Variants in C2orf80 observed in about 807,000 individuals in gnomAD.
The protein encoded by C2orf80 is chromosome 2 open reading frame 80.
A neutral mutation model predicts 30.2 loss-of-function variants in C2orf80; 28 were observed. That is an observed-to-expected ratio of 0.93 (90% CI 0.69 to 1.27). The LOEUF (loss-of-function observed/expected upper bound fraction) is 1.27, where lower values mean the gene tolerates loss of function less well. Among genes scored for constraint, C2orf80 ranks in the 50% most tolerant of loss-of-function variants. The pLI is 0.00. For missense variants in C2orf80, 220 were observed against 231.0 expected, an observed-to-expected ratio of 0.95 and a Z score of 0.31; for synonymous variants, 80 against 76.4, an observed-to-expected ratio of 1.05 and a Z score of -0.24.
At chr2:208,167,740 C>A (rs1695947498) in intron 8 of C2orf80, among the ~76,000 whole-genome samples, 1 of 151,842 alleles carries the variant, frequency 6.6e-6, no homozygotes, top group South Asian at 2.1e-4. Flanking sequence ...CCACACCCAG[C>A]TAATTTTTGT....
Position 208,185,001 on chromosome 2 carries a change from T to G in C2orf80, c.73A>C (p.Asn25His), listed in dbSNP as rs1696675003. 1 of 1,613,860 alleles carries G rather than the reference T, an allele frequency of 6.2e-7. No individual in the cohort carries two copies. The highest frequency in any genetic ancestry group is 1.7e-5 in the Admixed American group (1 of 59,994). Residue 25 changes from asparagine to histidine, a missense_variant, in exon 3 of 9, where the codon AAT becomes CAT. Asn to His is a moderately conservative substitution (Grantham distance 68, BLOSUM62 1). Transcript: ENST00000341287. ...CGTCTTCCTTTTGGGTCAAATTCAT[T>G]TTCCCGAAGTCTGATGCCAATATAA... ...GDYIGIRLRE[N>H]EFDPKGRRQL... is the part of the protein sequence containing the mutation.
intron 8 of C2orf80, among the ~76,000 whole-genome samples, chr2:208,167,738 A>G (rs1356028873): frequency 1.3e-5 from 2 of 151,748 alleles, no homozygotes; most frequent in Non-Finnish European, 2.9e-5. Context: ...CACCACACCC[A>G]GCTAATTTTT....
At chr2:208,182,257 G>A (rs1021772973) in intron 4 of C2orf80, among the ~76,000 whole-genome samples, 27 of 152,096 alleles carry the variant, frequency 1.8e-4, no homozygotes, top group Middle Eastern at 3.2e-3. Context: ...ATTATTCTGC[G>A]CTTCAAACAG....
chr2:208,173,015 AG>A (rs1246306138), intron 6 of C2orf80, among the ~76,000 whole-genome samples: 23 of 148,482 alleles, frequency 1.5e-4, no homozygotes, highest in Admixed American at 4.8e-4. Flanking sequence ...GCTACTCGGG[AG>A]GCTGAGGCAG....
chr2:208,174,718 C>T (rs10191365), intron 6 of C2orf80, among the ~76,000 whole-genome samples: 1,711 of 152,320 alleles, frequency 0.011, 31 homozygotes, highest in African/African-American at 0.039. Flanking sequence ...AGTCTGTTTG[C>T]CTGTGACATG....
At position 208,172,145 on chromosome 2, in the gene C2orf80, C is replaced by T. The variant is rs1696122396; in HGVS notation, c.367-70G>A. 4.2e-6 allele frequency: 5 copies of T among 1,204,166 alleles called. No individual in the cohort carries two copies. In the East Asian group the frequency reaches 7.0e-5, roughly 17 times the overall value. 74.6% of individuals were successfully genotyped at this position (1,204,166 alleles called of 1,614,324 possible). Reference sequence around the variant, plus strand: ...CGGCATGAACACCTGCTAGTCACAGCATTTGGCCTATTTAATCAACTCAGA... The same window carrying T: ...CGGCATGAACACCTGCTAGTCACAGTATTTGGCCTATTTAATCAACTCAGA... On this transcript the variant is annotated intron_variant, in intron 6 of 8. Transcript: ENST00000341287.
At chr2:208,169,125 T>C (rs1696006362) in intron 8 of C2orf80, among the ~76,000 whole-genome samples, 2 of 152,142 alleles carry the variant, frequency 1.3e-5, no homozygotes, top group South Asian at 4.1e-4. Context: ...CAAAATTATA[T>C]TTAAAAATAA....
chr2:208,187,190 G>A lies in C2orf80; in HGVS notation c.-75-129C>T, dbSNP rs1296940759. 9.3e-6 allele frequency: 5 copies of A among 536,928 alleles called. No homozygotes were observed. In the East Asian group the frequency reaches 1.5e-4, roughly 16 times the overall value. 33.3% of individuals were successfully genotyped at this position (536,928 alleles called of 1,614,324 possible). A position where few individuals can be genotyped will look rare whatever the true frequency, so the allele number is the denominator to read the frequency against. On this transcript the variant is annotated intron_variant, in intron 1 of 8. Coordinates refer to ENST00000341287, the MANE Select transcript of C2orf80 (RefSeq NM_001099334.3). ...CAGGCCTCTTACTCGGCAGGTTCAG[G>A]GTCAAAAAGCCACCTGGAGGCTCAT...
chr2:208,165,899 G>A (rs1695873064), intron 8 of C2orf80, 84 bp from the exon 9 acceptor site: 4 of 874,466 alleles, frequency 4.6e-6, no homozygotes, highest in East Asian at 2.5e-5. Flanking sequence ...AGGAAGTTAA[G>A]GTCAAATATC....
At chr2:208,187,099 G>T in intron 1 of C2orf80, 38 bp from the exon 2 acceptor site, 1 of 952,410 alleles carries the variant, frequency 1.0e-6, no homozygotes, top group Non-Finnish European at 1.7e-6. Flanking sequence ...AGTTAGGGAT[G>T]CTATCACTCC....
At position 208,171,779 on chromosome 2, in the gene C2orf80, C is replaced by T. The variant is rs75092357; in HGVS notation, c.454+209G>A. ...GATCCTTTGCTTTTGGAGTGCTTTG[C>T]TCCCATCACCAAAGCATCTGAGAAA... On this transcript the variant is annotated intron_variant, in intron 7 of 8. Transcript: ENST00000341287. Among the ~76,000 whole-genome samples, 716 of 152,238 alleles carry T rather than the reference C, an allele frequency of 4.7e-3. 3 individuals are homozygous for T. Among genetic ancestry groups the T allele is most frequent in the African/African-American group, 0.016 (679 of 41,540 alleles).
Position 208,189,997 on chromosome 2 carries a change from G to A in C2orf80, c.-120C>T. The A allele has an allele frequency of 1.4e-6, 1 of 702,910 alleles. No homozygotes were observed. The highest frequency in any genetic ancestry group is 2.0e-5 in the Admixed American group (1 of 49,996). 43.5% of individuals were successfully genotyped at this position (702,910 alleles called of 1,614,324 possible). A position where few individuals can be genotyped will look rare whatever the true frequency, so the allele number is the denominator to read the frequency against. On this transcript the variant is annotated 5_prime_UTR_variant, in exon 1 of 9. Coordinates refer to ENST00000341287, the MANE Select transcript of C2orf80 (RefSeq NM_001099334.3). ...GTGCTTTTGTTCTTTCTCTGCTTCT[G>A]GAGGCATGCTGAAGCATCCGCGCAT...
chr2:208,187,664 C>T (rs1696758097), intron 1 of C2orf80, among the ~76,000 whole-genome samples: 2 of 152,120 alleles, frequency 1.3e-5, no homozygotes, highest in Middle Eastern at 3.4e-3. Flanking sequence ...ATGGGGTACA[C>T]AGGGAGAGGT....
chr2:208,178,585 A>G (rs1387480445), intron 6 of C2orf80, among the ~76,000 whole-genome samples: 2 of 152,124 alleles, frequency 1.3e-5, no homozygotes, highest in Non-Finnish European at 2.9e-5. Flanking sequence ...ATCTCAAACA[A>G]GGTAAGCTCC....
intron 2 of C2orf80, among the ~76,000 whole-genome samples, chr2:208,185,808 G>A (rs546462956): frequency 2.6e-5 from 4 of 152,184 alleles, no homozygotes; most frequent in Non-Finnish European, 5.9e-5. Flanking sequence ...AATTTCTGCC[G>A]AAATTTCAGG....
In C2orf80 at chr2:208,172,053, C is replaced by T. The variant is rs756574519; in HGVS notation, c.389G>A (p.Cys130Tyr). Residue 130 changes from cysteine (C) to tyrosine (Y), a missense_variant, in exon 7 of 9, where the codon TGC (cysteine) becomes TAC (tyrosine). Coordinates refer to ENST00000341287, the MANE Select transcript of C2orf80 (RefSeq NM_001099334.3). ...CATGGCAAAGGGGTGCAAGGAGAGG[C>T]AGAGAGATGAAACTCGGGGAACCTG... is the stretch of plus-strand genomic sequence containing the variant. ...TIKVPRVSSL[C>Y]LSLHPFAMLT... The T allele has an allele frequency of 5.6e-6, 9 of 1,613,614 alleles. No individual in the cohort carries two copies. Among genetic ancestry groups the T allele is most frequent in the African/African-American group, 1.3e-5 (1 of 74,890 alleles).
intron 7 of C2orf80, 45 bp from the exon 8 acceptor site, chr2:208,171,108 A>T (rs1016886950): frequency 5.5e-6 from 7 of 1,282,874 alleles, no homozygotes; most frequent in South Asian, 2.5e-5. Context: ...AAACTTTTTT[A>T]AAAATGTGTC....
intron 1 of C2orf80, 163 bp downstream of exon 1, chr2:208,189,790 T>C: frequency 1.6e-6 from 1 of 633,650 alleles, no homozygotes; most frequent in Non-Finnish European, 2.8e-6. Flanking sequence ...AACAATTCCC[T>C]AGAAGTCAGA....
intron 4 of C2orf80, among the ~76,000 whole-genome samples, chr2:208,182,639 A>T (rs1696594168): frequency 1.3e-5 from 2 of 152,156 alleles, no homozygotes; most frequent in East Asian, 3.9e-4. Context: ...GGCTTCAAGT[A>T]ATGAGTCTGC....
Sources: gnomAD v4.1 joint callset for allele counts (sites outside exome capture counted in the v4.1 genomes callset) on GRCh38, gnomAD v4.1.1 for gene constraint, MANE v1.5 for transcripts, NCBI Gene and HGNC (gene_info 2026-07-23, HGNC 2026-07-21) for gene names.